Variants in NFIX observed in about 807,000 individuals in gnomAD.
The protein encoded by NFIX is nuclear factor I X, also known as nuclear factor 1 X-type.
A neutral mutation model predicts 53.3 loss-of-function variants in NFIX; 2 were observed. The ratio of observed to expected loss-of-function variants is 0.04; its 90% CI spans 0.02 to 0.12. The LOEUF is 0.12. Ranked by LOEUF, NFIX falls within the 10% of genes least tolerant of loss-of-function variation. The pLI is 1.00. For synonymous variants in NFIX, 244 were observed against 289.0 expected (o/e 0.84, Z 1.58); for missense variants, 310 against 674.5 (o/e 0.46, Z 5.99).
intron 7 of NFIX, among the ~76,000 whole-genome samples, chr19:13,079,620 CTGGG>C (rs1167660292): frequency 6.6e-6 from 1 of 152,040 alleles, no homozygotes; most frequent in Non-Finnish European, 1.5e-5. Flanking sequence ...GGCCTCCTGG[CTGGG>C]AGCCCAGAGG....
At chr19:13,056,799 A>AC (rs1354070161) in intron 2 of NFIX, among the ~76,000 whole-genome samples, 4 of 152,238 alleles carry the variant, frequency 2.6e-5, no homozygotes, top group African/African-American at 9.6e-5. Flanking sequence ...GAATTTCAAG[A>AC]CAGCAACAGT....
At chr19:13,047,752 C>G (rs2015078396) in intron 2 of NFIX, among the ~76,000 whole-genome samples, 1 of 152,142 alleles carries the variant, frequency 6.6e-6, no homozygotes, top group Non-Finnish European at 1.5e-5. Context: ...TGAGGACTTG[C>G]CATGTCCCCT....
At position 13,049,019 on chromosome 19, in the gene NFIX, G is replaced by A. The variant is rs987298386; in HGVS notation, c.559+23467G>A. ...TTGAGCTCAGGAGGCAGAGGTTGCAGTGAGACAAGATCGCGTCACTGTACC... is the reference window on the plus strand; with the variant it reads ...TTGAGCTCAGGAGGCAGAGGTTGCAATGAGACAAGATCGCGTCACTGTACC... On this transcript the variant is annotated intron_variant, in intron 2 of 10. Coordinates refer to ENST00000592199, the MANE Select transcript of NFIX (RefSeq NM_001365902.3). The surrounding 1 kb of genome is among the most constrained non-coding windows in gnomAD (Gnocchi z 4.5). 1.3e-5 allele frequency among the ~76,000 whole-genome samples: 2 copies of A among 152,170 alleles called. No individual in the cohort carries two copies. The highest frequency in any genetic ancestry group is 4.8e-5 in the African/African-American group (2 of 41,436).
chr19:13,087,490 G>C (rs2017847003), intron 8 of NFIX, among the ~76,000 whole-genome samples: 1 of 152,114 alleles, frequency 6.6e-6, no homozygotes, highest in African/African-American at 2.4e-5. Flanking sequence ...AGGACATGTT[G>C]TGGGGTGGGT....
intron 1 of NFIX, among the ~76,000 whole-genome samples, chr19:13,007,560 C>T (rs1372611856): frequency 6.6e-6 from 1 of 152,204 alleles, no homozygotes; most frequent in Non-Finnish European, 1.5e-5. Flanking sequence ...TGTGCCCCAA[C>T]CTCTCCCTTT....
intron 1 of NFIX, among the ~76,000 whole-genome samples, chr19:12,997,694 A>G (rs2145122373): frequency 6.6e-6 from 1 of 151,974 alleles, no homozygotes; most frequent in African/African-American, 2.4e-5. Context: ...CCGGCCTCCC[A>G]TGCCAAGCAC....
At chr19:13,038,559 G>A (rs1480108622) in intron 2 of NFIX, among the ~76,000 whole-genome samples, 1 of 152,196 alleles carries the variant, frequency 6.6e-6, no homozygotes, top group Admixed American at 6.5e-5. Context: ...CAGAAATCTA[G>A]GTTCTAAGTG....
intron 5 of NFIX, 120 bp downstream of exon 5, chr19:13,074,146 C>G (rs2016933356): frequency 7.8e-6 from 10 of 1,278,996 alleles, no homozygotes; most frequent in Non-Finnish European, 7.7e-6. Context: ...TCACCTCTCT[C>G]ATTGAGGGCA....
chr19:13,025,516 C>A lies in NFIX; in HGVS notation c.523C>A (p.Leu175Met). ...PHHIGVTIKE[L>M]DLYLAYFVHT... ...TCACATTGGAGTCACAATCAAAGAA[C>A]TGGATCTTTATCTGGCTTACTTTGT... The change falls in exon 2 of 11, where the codon CTG (leucine) becomes ATG (methionine). Residue 175 changes from leucine to methionine, a missense_variant. Physicochemically the swap from Leu to Met is conservative, Grantham distance 15. Transcript: ENST00000592199. This position sits in a 1 kb window ranked among gnomAD's most constrained non-coding sequence, Gnocchi z 7.5. 6.2e-7 allele frequency: 1 copy of A among 1,613,652 alleles called. No individual in the cohort carries two copies. The highest frequency in any genetic ancestry group is 8.5e-7 in the Non-Finnish European group (1 of 1,179,684).
intron 1 of NFIX, among the ~76,000 whole-genome samples, chr19:13,023,273 A>G (rs897886221): frequency 6.7e-6 from 1 of 148,624 alleles, no homozygotes; most frequent in Non-Finnish European, 1.5e-5. Context: ...CACACGCCCC[A>G]TCCCATCCAC....
intron 1 of NFIX, among the ~76,000 whole-genome samples, chr19:13,015,996 T>A (rs1454572103): frequency 6.6e-6 from 1 of 152,216 alleles, no homozygotes; most frequent in Non-Finnish European, 1.5e-5. Context: ...GAGAACTGTA[T>A]AGCTTAAAAA....
intron 2 of NFIX, among the ~76,000 whole-genome samples, chr19:13,046,611 T>C (rs1345052135): frequency 1.3e-5 from 2 of 152,170 alleles, no homozygotes; most frequent in South Asian, 4.1e-4. Context: ...GGATTGCTCC[T>C]GACAAGAGGG....
intron 8 of NFIX, 103 bp from the exon 9 acceptor site, chr19:13,087,886 C>T (rs1841916463): frequency 1.4e-5 from 20 of 1,387,588 alleles, no homozygotes; most frequent in South Asian, 6.7e-5. Context: ...GATCTTCCAC[C>T]GGGAGCGCCC....
intron 2 of NFIX, among the ~76,000 whole-genome samples, chr19:13,042,355 CTTTTT>C (rs35785662): frequency 9.9e-6 from 1 of 100,568 alleles, no homozygotes. Context: ...CTTTTACATG[CTTTTT>C]TTTTTTTTTT....
intron 2 of NFIX, among the ~76,000 whole-genome samples, chr19:13,063,729 C>T (rs1418745646): frequency 1.3e-5 from 2 of 152,130 alleles, no homozygotes; most frequent in African/African-American, 4.8e-5. Context: ...CTTCTCGCAT[C>T]CCTCCTCCAA....
rs766004985 is a variant in NFIX at position 13,066,067 on chromosome 19, G to A, written c.560-6980G>A. On this transcript the variant is annotated intron_variant, in intron 2 of 10. Coordinates refer to ENST00000592199, the MANE Select transcript of NFIX (RefSeq NM_001365902.3). This position sits in a 1 kb window ranked among gnomAD's most constrained non-coding sequence, Gnocchi z 4.2. ...GTAGGAGACAGGCCTTCTTCACCTC[G>A]ACACCGTGTGGGGCCTGAGGCTTTC... Among the ~76,000 whole-genome samples, 25 of 152,110 alleles carry A rather than the reference G, an allele frequency of 1.6e-4. No individual in the cohort carries two copies. The highest frequency in any genetic ancestry group is 2.9e-4 in the Non-Finnish European group (20 of 68,010).
intron 5 of NFIX, 101 bp from the exon 6 acceptor site, chr19:13,075,434 C>A (rs1479499299): frequency 7.5e-7 from 1 of 1,340,762 alleles, no homozygotes; most frequent in Non-Finnish European, 1.0e-6. Context: ...CACTCCCCAC[C>A]CAGAGGGCCA....
chr19:13,018,301 C>T (rs527264405), intron 1 of NFIX, among the ~76,000 whole-genome samples: 2 of 118,622 alleles, frequency 1.7e-5, no homozygotes, highest in South Asian at 5.4e-4. Flanking sequence ...GGCCACCGCT[C>T]CTGGTTTGTA....
At chr19:13,053,963 C>A (rs979526232) in intron 2 of NFIX, among the ~76,000 whole-genome samples, 1 of 152,188 alleles carries the variant, frequency 6.6e-6, no homozygotes, top group Non-Finnish European at 1.5e-5. Context: ...AAAACAAAGG[C>A]CTCTTTGTGG....
Sources: gnomAD v4.1 joint callset for allele counts (sites outside exome capture counted in the v4.1 genomes callset) on GRCh38, gnomAD v4.1.1 for gene constraint, Gnocchi (gnomAD v3.1) non-coding constraint, MANE v1.5 for transcripts, NCBI Gene and HGNC (gene_info 2026-07-23, HGNC 2026-07-21) for gene names.